B3GAT2: variants seen among roughly 807,000 people sequenced by gnomAD.
B3GAT2 encodes the protein beta-1,3-glucuronyltransferase 2, also known as galactosylgalactosylxylosylprotein 3-beta-glucuronosyltransferase 2.
In B3GAT2, 26 loss-of-function variants were observed where a neutral mutation model predicts 27.8. That is an observed-to-expected ratio of 0.93 (90% confidence interval 0.68 to 1.30). B3GAT2 has a LOEUF of 1.30. Among genes scored for constraint, B3GAT2 ranks in the 50% most tolerant of loss-of-function variants. The probability of loss-of-function intolerance (pLI) is 0.00; values close to 1 mark genes in which losing one functional copy is unlikely to be tolerated. For synonymous variants in B3GAT2, 218 were observed against 195.1 expected (o/e 1.12, Z -0.98); for missense variants, 458 against 459.0 (o/e 1.00, Z 0.02).
chr6:70,951,987 A>G (rs1182070657), intron 1 of B3GAT2, among the ~76,000 whole-genome samples: 3 of 152,180 alleles, frequency 2.0e-5, no homozygotes, highest in Admixed American at 2.0e-4. Flanking sequence ...GGAAACATAA[A>G]TAGAAGTACT....
chr6:70,894,319 G>C lies in B3GAT2; in HGVS notation c.592-47C>G, dbSNP rs778771595. 7 of 1,520,656 alleles carry C rather than the reference G, an allele frequency of 4.6e-6. No homozygotes were observed. In the Admixed American group the frequency reaches 6.1e-5, roughly 13 times the overall value. 94.2% of individuals were successfully genotyped at this position (1,520,656 alleles called of 1,614,324 possible). A position where few individuals can be genotyped will look rare whatever the true frequency, so the allele number is the denominator to read the frequency against. On this transcript the variant is annotated intron_variant, in intron 1 of 3. Coordinates refer to ENST00000230053, the MANE Select transcript of B3GAT2 (RefSeq NM_080742.3). ...GTGTTTTAAGTTTCCTTAGGAAAAA[G>C]AGGGAGGAAATGAATGTGATCTATG... is the stretch of plus-strand genomic sequence containing the variant.
At chr6:70,890,130 C>G (rs1373229833) in intron 2 of B3GAT2, among the ~76,000 whole-genome samples, 1 of 152,104 alleles carries the variant, frequency 6.6e-6, no homozygotes, top group Non-Finnish European at 1.5e-5. Flanking sequence ...GTCTTTCTCC[C>G]ATACTCACCA....
At position 70,857,091 on chromosome 6, in the gene B3GAT2, A is replaced by G. The variant is rs2280421; in HGVS notation, c.*4572T>C. On this transcript the variant is annotated 3_prime_UTR_variant, in exon 4 of 4. Coordinates refer to ENST00000230053, the MANE Select transcript of B3GAT2 (RefSeq NM_080742.3). ...CTAGAAGTACATCCTTTGTAATTAT[A>G]TAATAAGATCAATTATATATCTTTT... 2.1e-6 allele frequency: 3 copies of G among 1,442,732 alleles called. No homozygotes were observed. Among genetic ancestry groups the G allele is most frequent in the Non-Finnish European group, 2.8e-6 (3 of 1,075,724 alleles). 89.4% of individuals were successfully genotyped at this position (1,442,732 alleles called of 1,614,324 possible). A position where few individuals can be genotyped will look rare whatever the true frequency, so the allele number is the denominator to read the frequency against.
intron 1 of B3GAT2, among the ~76,000 whole-genome samples, chr6:70,936,979 A>G (rs1212720504): frequency 6.6e-6 from 1 of 152,110 alleles, no homozygotes; most frequent in Non-Finnish European, 1.5e-5. Flanking sequence ...GTTATTTGAA[A>G]GGATCAACAA....
Position 70,860,689 on chromosome 6 carries a change from A to G in B3GAT2, c.*974T>C, listed in dbSNP as rs1771681090. On this transcript the variant is annotated 3_prime_UTR_variant, in exon 4 of 4. Transcript: ENST00000230053. Reference sequence around the variant, plus strand: ...TCATGTTAGTAATACCTCTAATAGTATAAACCCCACCCCAAAATTAGCCAG... The same window carrying G: ...TCATGTTAGTAATACCTCTAATAGTGTAAACCCCACCCCAAAATTAGCCAG... 1 of 404,014 alleles carries G rather than the reference A, an allele frequency of 2.5e-6. No individual in the cohort carries two copies. Among genetic ancestry groups the G allele is most frequent in the Non-Finnish European group, 4.4e-6 (1 of 228,948 alleles). The allele number at this position is 404,014 out of a possible 1,614,324, so 25.0% of individuals were successfully genotyped here.
chr6:70,860,466 T>A lies in B3GAT2; in HGVS notation c.*1197A>T. 2 of 1,107,672 alleles carry A rather than the reference T, an allele frequency of 1.8e-6. No individual in the cohort carries two copies. Among genetic ancestry groups the A allele is most frequent in the Non-Finnish European group, 2.5e-6 (2 of 795,640 alleles). The allele number at this position is 1,107,672 out of a possible 1,614,324, so 68.6% of individuals were successfully genotyped here. Reference sequence around the variant, plus strand: ...TTGTTCATATTAAGAATGATCTGATTGACCGTGTTGGTCTGTACTGATTCA... The same window carrying A: ...TTGTTCATATTAAGAATGATCTGATAGACCGTGTTGGTCTGTACTGATTCA... On this transcript the variant is annotated 3_prime_UTR_variant, in exon 4 of 4. Coordinates refer to ENST00000230053, the MANE Select transcript of B3GAT2 (RefSeq NM_080742.3).
intron 1 of B3GAT2, among the ~76,000 whole-genome samples, chr6:70,911,977 T>C (rs1320098802): frequency 6.6e-6 from 1 of 152,190 alleles, no homozygotes; most frequent in Non-Finnish European, 1.5e-5. Flanking sequence ...GAATGCAACT[T>C]ATTTTTGCAC....
intron 2 of B3GAT2, among the ~76,000 whole-genome samples, chr6:70,891,503 T>G (rs1200270157): frequency 6.6e-6 from 1 of 152,180 alleles, no homozygotes; most frequent in Non-Finnish European, 1.5e-5. Flanking sequence ...TAGAATGACA[T>G]GAAACATCGC....
intron 1 of B3GAT2, among the ~76,000 whole-genome samples, chr6:70,939,581 G>A (rs1299303340): frequency 6.6e-6 from 1 of 151,760 alleles, no homozygotes; most frequent in Non-Finnish European, 1.5e-5. Context: ...AAAATGATGA[G>A]TTCATGTCCT....
chr6:70,909,493 A>G (rs1168769904), intron 1 of B3GAT2, among the ~76,000 whole-genome samples: 1 of 152,212 alleles, frequency 6.6e-6, no homozygotes, highest in Non-Finnish European at 1.5e-5. Context: ...AGACCCTCTA[A>G]TATTTTTAAC....
intron 1 of B3GAT2, among the ~76,000 whole-genome samples, chr6:70,912,421 G>A (rs781133339): frequency 6.6e-6 from 1 of 152,096 alleles, no homozygotes; most frequent in African/African-American, 2.4e-5. Context: ...TTCATGTGAT[G>A]AATCATATTT....
intron 2 of B3GAT2, among the ~76,000 whole-genome samples, chr6:70,875,498 C>G (rs1772001247): frequency 6.6e-6 from 1 of 152,190 alleles, no homozygotes; most frequent in African/African-American, 2.4e-5. Flanking sequence ...TTTCATGGCT[C>G]TAAGACTGAA....
intron 1 of B3GAT2, among the ~76,000 whole-genome samples, chr6:70,931,297 C>T (rs184494630): frequency 6.6e-6 from 1 of 151,882 alleles, no homozygotes; most frequent in Admixed American, 6.6e-5. Flanking sequence ...CAAACCTGCA[C>T]GTTGTGCACA....
chr6:70,866,162 G>A (rs1054002967), intron 2 of B3GAT2, among the ~76,000 whole-genome samples: 1 of 152,154 alleles, frequency 6.6e-6, no homozygotes, highest in Non-Finnish European at 1.5e-5. Context: ...AATTACTGGA[G>A]GGGACTAGTT....
chr6:70,883,045 T>TA (rs1312369562), intron 2 of B3GAT2, among the ~76,000 whole-genome samples: 5 of 152,176 alleles, frequency 3.3e-5, no homozygotes, highest in Non-Finnish European at 5.9e-5. Flanking sequence ...TGGCTATTAT[T>TA]AAAAAAACTA....
chr6:70,902,735 T>C (rs910386337), intron 1 of B3GAT2, among the ~76,000 whole-genome samples: 1 of 151,498 alleles, frequency 6.6e-6, no homozygotes, highest in East Asian at 1.9e-4. Context: ...TCCTGTAATT[T>C]GCAACAACAT....
At chr6:70,913,758 T>TAAC (rs952098564) in intron 1 of B3GAT2, among the ~76,000 whole-genome samples, 1 of 152,212 alleles carries the variant, frequency 6.6e-6, no homozygotes. Flanking sequence ...GTATCTTTGT[T>TAAC]AGTGTTCTGC....
intron 1 of B3GAT2, among the ~76,000 whole-genome samples, chr6:70,918,847 C>T (rs1013857638): frequency 6.6e-6 from 1 of 152,100 alleles, no homozygotes; most frequent in African/African-American, 2.4e-5. Flanking sequence ...TCATTTCAAC[C>T]TTGGTGAATC....
At chr6:70,941,599 G>A (rs1765394604) in intron 1 of B3GAT2, among the ~76,000 whole-genome samples, 1 of 151,734 alleles carries the variant, frequency 6.6e-6, no homozygotes, top group Non-Finnish European at 1.5e-5. Context: ...TTTCCTTTTA[G>A]TATAAAAGCT....
Sources: allele counts gnomAD v4.1 joint callset (sites outside exome capture counted in the v4.1 genomes callset), GRCh38; gene constraint gnomAD v4.1.1; transcripts MANE v1.5; gene names NCBI Gene and HGNC (gene_info 2026-07-23, HGNC 2026-07-21).